ASF1A: variants seen among roughly 807,000 people sequenced by gnomAD.
ASF1A encodes anti-silencing function 1A histone chaperone.
A neutral mutation model predicts 22.0 loss-of-function variants in ASF1A; 5 were observed. That is an observed-to-expected ratio of 0.23 (90% CI 0.12 to 0.48). The LOEUF is 0.48. Among genes scored for constraint, ASF1A ranks in the 20% least tolerant of loss-of-function variants. The pLI is 0.99. For missense variants in ASF1A, 137 were observed against 240.6 expected (o/e 0.57, Z 2.85); for synonymous variants, 97 against 86.7 (o/e 1.12, Z -0.66).
intron 2 of ASF1A, among the ~76,000 whole-genome samples, chr6:118,902,616 T>C (rs899104483): frequency 1.2e-4 from 18 of 151,794 alleles, no homozygotes; most frequent in African/African-American, 4.1e-4. Flanking sequence ...TTTGTGTTTG[T>C]TATTAAGCAT....
rs144070929 is a variant in ASF1A at position 118,897,651 on chromosome 6, A to G, written c.110-3115A>G. Among the ~76,000 whole-genome samples, 360 of 152,246 alleles carry G rather than the reference A, an allele frequency of 2.4e-3. 2 individuals are homozygous for G. The highest frequency in any genetic ancestry group is 8.2e-3 in the African/African-American group (340 of 41,544). On this transcript the variant is annotated intron_variant, in intron 1 of 3. Transcript: ENST00000229595. The stretch of plus-strand genomic sequence containing the variant: ...CCTCATTCACTCACTCTTTCACCAC[A>G]AATGTAAATACTTTCAGGCTGGGTA...
At chr6:118,899,794 A>G (rs1314479081) in intron 1 of ASF1A, among the ~76,000 whole-genome samples, 1 of 152,260 alleles carries the variant, frequency 6.6e-6, no homozygotes, top group Non-Finnish European at 1.5e-5. Flanking sequence ...CTAGATTGTC[A>G]TGAGTGACCC....
intron 2 of ASF1A, among the ~76,000 whole-genome samples, chr6:118,905,174 T>C (rs1163477899): frequency 6.6e-6 from 1 of 152,184 alleles, no homozygotes; most frequent in Non-Finnish European, 1.5e-5. Context: ...TTAGAATACC[T>C]GTGGGGGTGG....
chr6:118,904,837 AGTTTT>A (rs764227067), intron 2 of ASF1A, among the ~76,000 whole-genome samples: 2 of 151,994 alleles, frequency 1.3e-5, no homozygotes, highest in East Asian at 1.9e-4. Flanking sequence ...TCTCATTTTC[AGTTTT>A]GTTTTGTTTT....
chr6:118,906,837 T>C (rs1035017093), intron 3 of ASF1A, among the ~76,000 whole-genome samples: 1 of 152,164 alleles, frequency 6.6e-6, no homozygotes, highest in African/African-American at 2.4e-5. Context: ...GAATAGAATG[T>C]TCTCATGTTC....
chr6:118,907,328 A>T lies in ASF1A; in HGVS notation c.403-74A>T, dbSNP rs1365883660. 20 of 1,086,426 alleles carry T rather than the reference A, an allele frequency of 1.8e-5. No homozygotes were observed. The South Asian group carries it at 2.9e-4, about 16-fold the overall frequency. The allele number at this position is 1,086,426 out of a possible 1,614,324, so 67.3% of individuals were successfully genotyped here. On this transcript the variant is annotated intron_variant, in intron 3 of 3. Coordinates refer to ENST00000229595, the MANE Select transcript of ASF1A (RefSeq NM_014034.3). ...TAGGAGTACTAACATGAACCATTTT[A>T]TTAAGCTTCTATTTGTATATGGTGA...
At chr6:118,901,018 A>G (rs1779767352) in intron 2 of ASF1A, 137 bp downstream of exon 2, 1 of 642,292 alleles carries the variant, frequency 1.6e-6, no homozygotes, top group Admixed American at 2.8e-5. Context: ...ATCTGTTTCC[A>G]TCATGTTTTA....
chr6:118,896,836 ATT>A (rs11304871), intron 1 of ASF1A, among the ~76,000 whole-genome samples: 276 of 149,578 alleles, frequency 1.8e-3, no homozygotes, highest in Middle Eastern at 0.01. Flanking sequence ...AAACTATAGA[ATT>A]TTTTTTTTTT....
At chr6:118,897,270 T>A (rs1336590279) in intron 1 of ASF1A, among the ~76,000 whole-genome samples, 1 of 152,198 alleles carries the variant, frequency 6.6e-6, no homozygotes, top group Non-Finnish European at 1.5e-5. Context: ...AGAGCTGCCC[T>A]GTAGCTTTGC....
intron 3 of ASF1A, 118 bp downstream of exon 3, chr6:118,905,946 C>T: frequency 1.5e-6 from 1 of 687,856 alleles, no homozygotes; most frequent in Non-Finnish European, 2.3e-6. Context: ...ATATGAGGTC[C>T]TTATGCCAAC....
At chr6:118,897,021 T>C (rs1235640065) in intron 1 of ASF1A, among the ~76,000 whole-genome samples, 2 of 152,118 alleles carry the variant, frequency 1.3e-5, no homozygotes, top group South Asian at 2.1e-4. Flanking sequence ...TAATTTTTTG[T>C]AGAGACGGAG....
At chr6:118,900,729 C>T (rs765386913) in intron 1 of ASF1A, 37 bp from the exon 2 acceptor site, 6 of 1,380,666 alleles carry the variant, frequency 4.3e-6, no homozygotes, top group Non-Finnish European at 2.1e-6. Flanking sequence ...AATGTAATTA[C>T]TGAATATGAA....
chr6:118,903,489 C>G (rs1779945284), intron 2 of ASF1A, among the ~76,000 whole-genome samples: 1 of 151,746 alleles, frequency 6.6e-6, no homozygotes, highest in African/African-American at 2.4e-5. Context: ...CTGGATAAAG[C>G]ATAGCATCTA....
intron 3 of ASF1A, 39 bp downstream of exon 3, chr6:118,905,867 T>C: frequency 2.7e-6 from 4 of 1,466,188 alleles, no homozygotes; most frequent in South Asian, 1.4e-5. Flanking sequence ...ACTTTTACTA[T>C]GCAATTTTTA....
chr6:118,908,157 C>T lies in ASF1A; in HGVS notation c.*543C>T, dbSNP rs1188783964. On this transcript the variant is annotated 3_prime_UTR_variant, in exon 4 of 4. Transcript: ENST00000229595. ...CCAATTTTCCAAGCCACCGTGAAGCCTCTTATGGCTACTATTATAGTTCAT... is the reference window on the plus strand; with the variant it reads ...CCAATTTTCCAAGCCACCGTGAAGCTTCTTATGGCTACTATTATAGTTCAT... The T allele has an allele frequency of 6.5e-6, 1 of 152,714 alleles. No individual in the cohort carries two copies. Among genetic ancestry groups the T allele is most frequent in the Non-Finnish European group, 1.5e-5 (1 of 68,494 alleles). The allele number at this position is 152,714 out of a possible 1,614,324, so 9.5% of individuals were successfully genotyped here.
chr6:118,904,648 T>G (rs1358177586), intron 2 of ASF1A, among the ~76,000 whole-genome samples: 1 of 152,248 alleles, frequency 6.6e-6, no homozygotes, highest in Non-Finnish European at 1.5e-5. Flanking sequence ...AGGTTCACCT[T>G]ACAATAGCTT....
intron 1 of ASF1A, among the ~76,000 whole-genome samples, chr6:118,899,405 T>G (rs966677331): frequency 6.6e-6 from 1 of 152,144 alleles, no homozygotes; most frequent in Non-Finnish European, 1.5e-5. Flanking sequence ...AGCCCTAGCC[T>G]CCTTGCTTTT....
At chr6:118,898,247 A>G (rs1171683759) in intron 1 of ASF1A, among the ~76,000 whole-genome samples, 1 of 152,228 alleles carries the variant, frequency 6.6e-6, no homozygotes, top group Non-Finnish European at 1.5e-5. Context: ...AACAATAGGT[A>G]TGAAGTAGAA....
At chr6:118,898,020 CCT>C (rs1779552835) in intron 1 of ASF1A, among the ~76,000 whole-genome samples, 1 of 152,284 alleles carries the variant, frequency 6.6e-6, no homozygotes, top group East Asian at 1.9e-4. Context: ...AAATAAATTC[CCT>C]TATTCCACTG....
Sources: allele counts gnomAD v4.1 joint callset (sites outside exome capture counted in the v4.1 genomes callset), GRCh38; gene constraint gnomAD v4.1.1; transcripts MANE v1.5; gene names NCBI Gene and HGNC (gene_info 2026-07-23, HGNC 2026-07-21).